Variants in ELAVL1 observed in about 807,000 individuals in gnomAD.
The protein encoded by ELAVL1 is ELAV-like protein 1.
In ELAVL1, 1 loss-of-function variant was observed where a neutral mutation model predicts 28.4. That is an observed-to-expected ratio of 0.04 (90% confidence interval 0.01 to 0.17). The LOEUF (loss-of-function observed/expected upper bound fraction) is 0.17. ELAVL1 is among the 10% of genes least tolerant of loss of function. The probability of loss-of-function intolerance (pLI) is 1.00; values close to 1 mark genes in which losing one functional copy is unlikely to be tolerated. For missense variants in ELAVL1, 157 were observed against 447.2 expected, an observed-to-expected ratio of 0.35 and a Z score of 5.85; for synonymous variants, 174 against 183.5, an observed-to-expected ratio of 0.95 and a Z score of 0.42.
At chr19:7,965,381 AG>A (rs1984931276) in intron 5 of ELAVL1, among the ~76,000 whole-genome samples, 1 of 152,136 alleles carries the variant, frequency 6.6e-6, no homozygotes, top group Non-Finnish European at 1.5e-5. Context: ...CGGCCTTCTT[AG>A]GAATTACTCT....
At chr19:7,968,648 G>A (rs367731497) in intron 4 of ELAVL1, among the ~76,000 whole-genome samples, 7 of 152,248 alleles carry the variant, frequency 4.6e-5, no homozygotes, top group African/African-American at 1.4e-4. Context: ...CCGGGTTCCC[G>A]GCTAAACCCA....
In ELAVL1 at chr19:7,979,240, C is replaced by T. The variant is rs1246822795; in HGVS notation, c.276+1843G>A. 1.3e-5 allele frequency among the ~76,000 whole-genome samples: 2 copies of T among 152,186 alleles called. No homozygotes were observed. The highest frequency in any genetic ancestry group is 6.5e-5 in the Admixed American group (1 of 15,290). ...GAAGCCACTGAGAAGCAGACTCTGCCGGCAGAGGGCAGGGCCGCCGAAGGT... is the reference window on the plus strand; with the variant it reads ...GAAGCCACTGAGAAGCAGACTCTGCTGGCAGAGGGCAGGGCCGCCGAAGGT... On this transcript the variant is annotated intron_variant, in intron 3 of 5. Transcript: ENST00000407627. This position sits in a 1 kb window ranked among gnomAD's most constrained non-coding sequence, Gnocchi z 5.4.
In ELAVL1 at chr19:8,005,551, G is replaced by A. The variant is rs1336438160; in HGVS notation, c.-73C>T. 2 of 147,596 alleles carry A rather than the reference G, an allele frequency of 1.4e-5. No individual in the cohort carries two copies. Among genetic ancestry groups the A allele is most frequent in the Non-Finnish European group, 1.5e-5 (1 of 66,254 alleles). 9.1% of individuals were successfully genotyped at this position (147,596 alleles called of 1,614,324 possible). A position where few individuals can be genotyped will look rare whatever the true frequency, so the allele number is the denominator to read the frequency against. On this transcript the variant is annotated 5_prime_UTR_variant, in exon 1 of 6. Coordinates refer to ENST00000407627, the MANE Select transcript of ELAVL1 (RefSeq NM_001419.3). ...CCGGGGCGGGCGGGAGGCGGCGGCGGCGCGGCGCTAACGGCTCCGCTCGGC... is the reference window on the plus strand; with the variant it reads ...CCGGGGCGGGCGGGAGGCGGCGGCGACGCGGCGCTAACGGCTCCGCTCGGC...
At chr19:7,974,034 G>GGT (rs1179365267) in intron 3 of ELAVL1, among the ~76,000 whole-genome samples, 156 bp from the exon 4 acceptor site, 10 of 152,268 alleles carry the variant, frequency 6.6e-5, no homozygotes, top group African/African-American at 2.4e-4. Context: ...GCAGCCGCAT[G>GGT]GTGGCAAGCT....
At chr19:7,978,978 A>G (rs916863297) in intron 3 of ELAVL1, among the ~76,000 whole-genome samples, 2 of 152,214 alleles carry the variant, frequency 1.3e-5, no homozygotes, top group Admixed American at 1.3e-4. Flanking sequence ...TGGGGATGGC[A>G]GGGGATCCGA....
At position 7,981,119 on chromosome 19, in the gene ELAVL1, C is replaced by T. The variant is rs767677745; in HGVS notation, c.240G>A (p.Thr80=). ...TTGACTGGAGCCTCAAGCCGTTCAGCGTGTTGATCGCTCTCTCTGCATCCT... is the reference window on the plus strand; with the variant it reads ...TTGACTGGAGCCTCAAGCCGTTCAGTGTGTTGATCGCTCTCTCTGCATCCT... ...TAKDAERAIN[T]LNGLRLQSKT... is the part of the protein sequence containing the mutation. The change falls in exon 3 of 6, where the codon ACG becomes ACA. Residue 80 remains threonine (T), a synonymous_variant. Transcript: ENST00000407627. The surrounding 1 kb of genome is among the most constrained non-coding windows in gnomAD (Gnocchi z 4.2). The T allele has an allele frequency of 1.9e-6, 3 of 1,614,022 alleles. No individual in the cohort carries two copies. Among genetic ancestry groups the T allele is most frequent in the Non-Finnish European group, 2.5e-6 (3 of 1,180,014 alleles).
chr19:7,989,693 T>C (rs553467719), intron 2 of ELAVL1, among the ~76,000 whole-genome samples: 2 of 152,376 alleles, frequency 1.3e-5, no homozygotes, highest in African/African-American at 4.8e-5. Flanking sequence ...TTATTTAGGA[T>C]GGTCTCCTGG....
intron 2 of ELAVL1, among the ~76,000 whole-genome samples, chr19:7,990,192 T>C (rs377590008): frequency 1.3e-5 from 2 of 152,100 alleles, no homozygotes; most frequent in East Asian, 1.9e-4. Flanking sequence ...CTGGCTAATT[T>C]TTGAATTTTA....
chr19:7,976,165 G>T (rs1376088692), intron 3 of ELAVL1, among the ~76,000 whole-genome samples: 1 of 151,588 alleles, frequency 6.6e-6, no homozygotes, highest in African/African-American at 2.4e-5. Context: ...CACTTTGGGA[G>T]GCCGAGGCGG....
intron 3 of ELAVL1, among the ~76,000 whole-genome samples, chr19:7,974,222 T>C (rs951960245): frequency 1.3e-5 from 2 of 152,226 alleles, no homozygotes; most frequent in Non-Finnish European, 2.9e-5. Context: ...AGAGAGGTCC[T>C]GGTGCCTGAA....
intron 4 of ELAVL1, among the ~76,000 whole-genome samples, chr19:7,970,946 G>A (rs1260095465): frequency 6.6e-6 from 1 of 152,196 alleles, no homozygotes; most frequent in Non-Finnish European, 1.5e-5. Context: ...TCTGTCTCCA[G>A]CAGAGGGAGC....
intron 1 of ELAVL1, among the ~76,000 whole-genome samples, chr19:8,003,026 G>T (rs552496155): frequency 6.6e-6 from 1 of 152,180 alleles, no homozygotes; most frequent in Non-Finnish European, 1.5e-5. Flanking sequence ...GAGATGGGAA[G>T]CGGAGAGTGA....
chr19:7,993,644 C>A (rs1444371478), intron 1 of ELAVL1, among the ~76,000 whole-genome samples: 1 of 152,032 alleles, frequency 6.6e-6, no homozygotes, highest in Admixed American at 6.6e-5. Context: ...ACACTGGGCT[C>A]ACTTCTCAGA....
At chr19:7,972,455 G>A (rs1172468037) in intron 4 of ELAVL1, among the ~76,000 whole-genome samples, 1 of 152,242 alleles carries the variant, frequency 6.6e-6, no homozygotes, top group African/African-American at 2.4e-5. Flanking sequence ...CAGCAAAGTG[G>A]CCAGGATTGC....
intron 1 of ELAVL1, among the ~76,000 whole-genome samples, chr19:8,000,077 G>A (rs979343378): frequency 1.3e-5 from 2 of 152,202 alleles, no homozygotes; most frequent in East Asian, 1.9e-4. Flanking sequence ...ACGCTTGGCC[G>A]CTTTTTTATG....
At chr19:7,964,580 A>G (rs1984904010) in intron 5 of ELAVL1, among the ~76,000 whole-genome samples, 1 of 152,162 alleles carries the variant, frequency 6.6e-6, no homozygotes, top group Admixed American at 6.5e-5. Context: ...CAAGCACGGA[A>G]TCCCAGGACT....
In ELAVL1 at chr19:7,989,887, T is replaced by C. The variant is rs781395208; in HGVS notation, c.172+1757A>G. 5.4e-4 allele frequency among the ~76,000 whole-genome samples: 82 copies of C among 152,192 alleles called. 1 individual carries two copies. Among genetic ancestry groups the C allele is most frequent in the Non-Finnish European group, 1.0e-4 (7 of 68,024 alleles). On this transcript the variant is annotated intron_variant, in intron 2 of 5. Coordinates refer to ENST00000407627, the MANE Select transcript of ELAVL1 (RefSeq NM_001419.3). Reference sequence around the variant, plus strand: ...CCTGTAGAGCGGCCAGACAGGCTCTTTGGGAGTCATGTGGGGGTCAGGTGT... The same window carrying C: ...CCTGTAGAGCGGCCAGACAGGCTCTCTGGGAGTCATGTGGGGGTCAGGTGT...
At chr19:7,964,869 C>T (rs895999244) in intron 5 of ELAVL1, among the ~76,000 whole-genome samples, 2 of 152,198 alleles carry the variant, frequency 1.3e-5, no homozygotes, top group African/African-American at 4.8e-5. Context: ...GAGTAGCATA[C>T]ATTTGTGAAG....
rs961212300 is a variant in ELAVL1 at position 7,959,769 on chromosome 19, C to T, written c.*3714G>A. On this transcript the variant is annotated 3_prime_UTR_variant, in exon 6 of 6. Coordinates refer to ENST00000407627, the MANE Select transcript of ELAVL1 (RefSeq NM_001419.3). Reference sequence around the variant, plus strand: ...CACTTGTGACTTCAGGGCTGTCTTGCGAAGTTTGGGGACAGGAACCCCTGA... The same window carrying T: ...CACTTGTGACTTCAGGGCTGTCTTGTGAAGTTTGGGGACAGGAACCCCTGA... 5 of 152,002 alleles carry T rather than the reference C, an allele frequency of 3.3e-5. No homozygotes were observed. The highest frequency in any genetic ancestry group is 5.9e-5 in the Non-Finnish European group (4 of 68,028). The allele number at this position is 152,002 out of a possible 1,614,324, so 9.4% of individuals were successfully genotyped here.
Sources: allele counts gnomAD v4.1 joint callset (sites outside exome capture counted in the v4.1 genomes callset), GRCh38; gene constraint gnomAD v4.1.1; non-coding constraint Gnocchi (gnomAD v3.1); transcripts MANE v1.5; gene names NCBI Gene and HGNC (gene_info 2026-07-23, HGNC 2026-07-21).